Variants in THAP12 observed in about 807,000 individuals in gnomAD.
THAP12 encodes 52 kDa repressor of the inhibitor of the protein kinase.
THAP12 carries 20 observed loss-of-function variants against 63.0 expected under a neutral mutation model. The observed-to-expected ratio is 0.32, with a 90% CI of 0.22 to 0.46. THAP12 has a LOEUF of 0.46. Among genes scored for constraint, THAP12 ranks in the 20% least tolerant of loss-of-function variants. The probability of loss-of-function intolerance (pLI) is 1.00; values close to 1 mark genes in which losing one functional copy is unlikely to be tolerated. For missense variants in THAP12, 568 were observed against 908.2 expected, an observed-to-expected ratio of 0.63 and a Z score of 4.81; for synonymous variants, 264 against 328.4, an observed-to-expected ratio of 0.80 and a Z score of 2.12.
intron 1 of THAP12, among the ~76,000 whole-genome samples, chr11:76,376,602 A>C (rs930888879): frequency 6.7e-6 from 1 of 150,044 alleles, no homozygotes. Context: ...TTCGAATGCT[A>C]AATTGTGTCT....
chr11:76,380,189 C>T (rs545446185), intron 1 of THAP12, among the ~76,000 whole-genome samples: 1 of 152,190 alleles, frequency 6.6e-6, no homozygotes, highest in East Asian at 1.9e-4. Flanking sequence ...CCCTACAATA[C>T]CCAAGCGAGA....
At chr11:76,376,883 T>C (rs900528590) in intron 1 of THAP12, among the ~76,000 whole-genome samples, 2 of 152,150 alleles carry the variant, frequency 1.3e-5, no homozygotes, top group Non-Finnish European at 2.9e-5. Flanking sequence ...GGTGCCCTCA[T>C]TATGGAAGTG....
Position 76,351,322 on chromosome 11 carries a change from A to T in THAP12, c.1828T>A (p.Ser610Thr). Reference protein sequence around the residue: ...KALKCLSLVPSVMGQLKFNTS... With the variant: ...KALKCLSLVPTVMGQLKFNTS... Reference sequence around the variant, plus strand: ...TTGAATTTGAGTTGTCCCATGACTGAGGGTACCAGAGATAAGCATTTAAGA... The same window carrying T: ...TTGAATTTGAGTTGTCCCATGACTGTGGGTACCAGAGATAAGCATTTAAGA... Residue 610 changes from serine to threonine, a missense_variant, in exon 5 of 5, where the codon TCA becomes ACA. Physicochemically the swap from Ser to Thr is moderately conservative, Grantham distance 58. Coordinates refer to ENST00000260045, the MANE Select transcript of THAP12 (RefSeq NM_004705.4). 6.3e-7 allele frequency: 1 copy of T among 1,585,022 alleles called. No individual in the cohort carries two copies. Among genetic ancestry groups the T allele is most frequent in the Non-Finnish European group, 8.6e-7 (1 of 1,162,480 alleles).
At chr11:76,359,991 C>T (rs1261123238) in intron 3 of THAP12, among the ~76,000 whole-genome samples, 1 of 152,140 alleles carries the variant, frequency 6.6e-6, no homozygotes, top group East Asian at 1.9e-4. Flanking sequence ...TGGAACAGAA[C>T]TCCCCAAAAC....
At chr11:76,369,083 T>A (rs568845907) in intron 1 of THAP12, among the ~76,000 whole-genome samples, 2 of 152,170 alleles carry the variant, frequency 1.3e-5, no homozygotes, top group African/African-American at 4.8e-5. Context: ...CAAGGGGCCT[T>A]GAACAGGCAC....
In THAP12 at chr11:76,351,814, A is replaced by G. The variant is rs985698739; in HGVS notation, c.1336T>C (p.Leu446=). ...ILVELLQALV[L]CLDGINSDTN... ...TCACTATTTATACCATCTAAACATA[A>G]AACAAGTGCTTGCAGGAGTTCCACT... is the stretch of plus-strand genomic sequence containing the variant. Residue 446 remains leucine (L), a synonymous_variant, in exon 5 of 5, where the codon TTA becomes CTA. Coordinates refer to ENST00000260045, the MANE Select transcript of THAP12 (RefSeq NM_004705.4). 1 of 1,606,580 alleles carries G rather than the reference A, an allele frequency of 6.2e-7. No homozygotes were observed. The highest frequency in any genetic ancestry group is 1.3e-5 in the African/African-American group (1 of 74,522).
chr11:76,367,367 C>T (rs1349618224), intron 1 of THAP12, among the ~76,000 whole-genome samples: 6 of 152,096 alleles, frequency 3.9e-5, no homozygotes, highest in South Asian at 2.1e-4. Flanking sequence ...TGAGCCACCG[C>T]GCCCGGCCCA....
chr11:76,371,814 T>C (rs938569732), intron 1 of THAP12, among the ~76,000 whole-genome samples: 4 of 140,970 alleles, frequency 2.8e-5, no homozygotes, highest in South Asian at 2.3e-4. Flanking sequence ...ACTTTTCTTT[T>C]TTTTTTTTTT....
At chr11:76,376,615 G>GTTTTTTTTTTTTTTTTTTTTTT (rs375196452) in intron 1 of THAP12, among the ~76,000 whole-genome samples, 1 of 127,772 alleles carries the variant, frequency 7.8e-6, no homozygotes, top group African/African-American at 3.0e-5. Flanking sequence ...TTGTGTCTAT[G>GTTTTTTTTTTTTTTTTTTTTTT]TTTTTTTTGT....
chr11:76,378,766 C>A (rs1946729121), intron 1 of THAP12, among the ~76,000 whole-genome samples: 2 of 151,984 alleles, frequency 1.3e-5, no homozygotes, highest in South Asian at 2.1e-4. Flanking sequence ...CACCACTGGG[C>A]TCAGCTAATT....
rs1196454052 is a variant in THAP12 at position 76,376,617 on chromosome 11, TTTTTTTG to T, written c.89+4124_89+4130del. 1.6e-4 allele frequency among the ~76,000 whole-genome samples: 23 copies of T among 140,598 alleles called. 1 individual carries two copies. In the South Asian group the frequency reaches 3.2e-3, roughly 19 times the overall value. The allele number at this position is 140,598 out of a possible 152,430, so 92.2% of individuals were successfully genotyped here. On this transcript the variant is annotated intron_variant, in intron 1 of 4. Coordinates refer to ENST00000260045, the MANE Select transcript of THAP12 (RefSeq NM_004705.4). The stretch of plus-strand genomic sequence containing the variant: ...TTCGAATGCTAAATTGTGTCTATGT[TTTTTTTG>T]TTTTTTTTTTTTTTTCAGGTAAGAG...
chr11:76,352,680 A>T lies in THAP12; in HGVS notation c.470T>A (p.Leu157His). ...GQDEDILPLT[L>H]EEKENKEYLK... ...GTATTCTTTGTTTTCCTTCTCTTCAAGGGTTAGAGGTAAAATGTCCTCATC... is the reference window on the plus strand; with the variant it reads ...GTATTCTTTGTTTTCCTTCTCTTCATGGGTTAGAGGTAAAATGTCCTCATC... Residue 157 changes from leucine to histidine, a missense_variant, in exon 5 of 5, where the codon CTT becomes CAT. Transcript: ENST00000260045. 1 of 1,613,104 alleles carries T rather than the reference A, an allele frequency of 6.2e-7. No individual in the cohort carries two copies. The highest frequency in any genetic ancestry group is 8.5e-7 in the Non-Finnish European group (1 of 1,179,926).
At position 76,352,132 on chromosome 11, in the gene THAP12, T is replaced by A. The variant is rs2134497396; in HGVS notation, c.1018A>T (p.Met340Leu). 6.2e-7 allele frequency: 1 copy of A among 1,611,940 alleles called. No homozygotes were observed. Among genetic ancestry groups the A allele is most frequent in the East Asian group, 2.2e-5 (1 of 44,884 alleles). ...YIVSSGFSSK[M>L]KVVASRLLEK... ...AAAAGTCTAGAAGCAACAACTTTCA[T>A]TTTGGAAGAAAATCCACTAGAGACA... Residue 340 changes from methionine to leucine, a missense_variant, in exon 5 of 5, where the codon ATG becomes TTG. Met to Leu is a conservative substitution (Grantham distance 15, BLOSUM62 2). Coordinates refer to ENST00000260045, the MANE Select transcript of THAP12 (RefSeq NM_004705.4).
intron 1 of THAP12, among the ~76,000 whole-genome samples, chr11:76,374,648 T>C (rs1353645979): frequency 1.3e-5 from 2 of 152,210 alleles, no homozygotes; most frequent in Non-Finnish European, 2.9e-5. Flanking sequence ...AATGATGCCA[T>C]CATGTTATGT....
In THAP12 at chr11:76,352,458, G is replaced by A. The variant is rs1391316204; in HGVS notation, c.692C>T (p.Ser231Leu). The change falls in exon 5 of 5, where the codon TCA becomes TTA. Residue 231 changes from serine (S) to leucine (L), a missense_variant. Physicochemically the swap from Ser to Leu is moderately radical, Grantham distance 145. Coordinates refer to ENST00000260045, the MANE Select transcript of THAP12 (RefSeq NM_004705.4). ...ETTAVNTLFC[S>L]KTQQRQMLEI... ...TAGCATCTGCCTCTGCTGTGTTTTTGAACAAAACAACGTGTTAACTGCTGT... is the reference window on the plus strand; with the variant it reads ...TAGCATCTGCCTCTGCTGTGTTTTTAAACAAAACAACGTGTTAACTGCTGT... The A allele has an allele frequency of 6.2e-6, 10 of 1,611,786 alleles. No individual in the cohort carries two copies. The highest frequency in any genetic ancestry group is 8.5e-6 in the Non-Finnish European group (10 of 1,179,828).
At chr11:76,370,865 A>G (rs1946669670) in intron 1 of THAP12, among the ~76,000 whole-genome samples, 1 of 150,332 alleles carries the variant, frequency 6.7e-6, no homozygotes, top group Admixed American at 6.7e-5. Flanking sequence ...TATGACCACA[A>G]TAAGTGTTTT....
intron 1 of THAP12, among the ~76,000 whole-genome samples, chr11:76,372,382 G>A (rs760370573): frequency 7.8e-5 from 11 of 140,496 alleles, no homozygotes; most frequent in Non-Finnish European, 1.7e-4. Context: ...TGTATTCCAA[G>A]GAATCCTGTT....
At chr11:76,355,721 C>A in intron 3 of THAP12, 67 bp from the exon 4 acceptor site, 1 of 1,308,220 alleles carries the variant, frequency 7.6e-7, no homozygotes. Flanking sequence ...AGTGTATCAT[C>A]TTAGACTCAC....
At chr11:76,372,417 A>AG (rs1402004326) in intron 1 of THAP12, among the ~76,000 whole-genome samples, 7 of 151,266 alleles carry the variant, frequency 4.6e-5, no homozygotes, top group African/African-American at 1.7e-4. Context: ...TAAAAAAAAA[A>AG]AAGAGAGAGA....
Sources: allele counts gnomAD v4.1 joint callset (sites outside exome capture counted in the v4.1 genomes callset), GRCh38; gene constraint gnomAD v4.1.1; transcripts MANE v1.5; gene names NCBI Gene and HGNC (gene_info 2026-07-23, HGNC 2026-07-21).